Variants in ANKS3 observed in about 807,000 individuals in gnomAD.
ANKS3 encodes the protein ankyrin repeat and SAM domain-containing protein 3.
ANKS3 carries 62 observed loss-of-function variants against 80.7 expected under a neutral mutation model. That is an observed-to-expected ratio of 0.77 (90% CI 0.63 to 0.95). The LOEUF is 0.95. Among genes scored for constraint, ANKS3 ranks in the 40% least tolerant of loss-of-function variants. ANKS3 has a pLI of 0.00. For missense variants in ANKS3, 1,150 were observed against 883.6 expected (o/e 1.30, Z -3.82); for synonymous variants, 489 against 355.3 (o/e 1.38, Z -4.23).
At chr16:4,731,639 A>G in intron 1 of ANKS3, 60 bp from the exon 2 acceptor site, 1 of 854,462 alleles carries the variant, frequency 1.2e-6, no homozygotes, top group Non-Finnish European at 1.4e-6. Flanking sequence ...AAAATTTCAA[A>G]AAAGTAAAAA....
At position 4,730,157 on chromosome 16, in the gene ANKS3, G is replaced by T. The variant is rs1385159149; in HGVS notation, c.-2-6C>A. The T allele has an allele frequency of 3.3e-6, 5 of 1,526,788 alleles. No individual in the cohort carries two copies. In the African/African-American group the frequency reaches 5.5e-5, roughly 17 times the overall value. The allele number at this position is 1,526,788 out of a possible 1,614,324, so 94.6% of individuals were successfully genotyped here. A position where few individuals can be genotyped will look rare whatever the true frequency, so the allele number is the denominator to read the frequency against. Reference sequence around the variant, plus strand: ...ATCGCTGAGCTCGGACATCACTGAGGAGGAAGGCCCAAGGGTTAGATCTTT... The same window carrying T: ...ATCGCTGAGCTCGGACATCACTGAGTAGGAAGGCCCAAGGGTTAGATCTTT... On this transcript the variant is annotated splice_polypyrimidine_tract_variant and splice_region_variant and intron_variant, in intron 2 of 17. Transcript: ENST00000304283.
At chr16:4,720,536 C>T (rs2081036776) in intron 6 of ANKS3, among the ~76,000 whole-genome samples, 1 of 150,990 alleles carries the variant, frequency 6.6e-6, no homozygotes, top group Non-Finnish European at 1.5e-5. Context: ...AGCAAGTTTA[C>T]ACTACCCACT....
In ANKS3 at chr16:4,702,134, T is replaced by C; in HGVS notation, c.977A>G (p.Asp326Gly). Residue 326 changes from aspartate (D) to glycine (G), a missense_variant, in exon 9 of 18, where the codon GAT becomes GGT. Coordinates refer to ENST00000304283, the MANE Select transcript of ANKS3 (RefSeq NM_133450.4). ...RDVTSPINER[D>G]VESSSSSSSR... ...GCTGCTGCTGCTGCTGCTCTCCACA[T>C]CCCGCTCATTGATGGGGGAGGTGAC... is the stretch of plus-strand genomic sequence containing the variant. 6.3e-7 allele frequency: 1 copy of C among 1,596,760 alleles called. No homozygotes were observed. The highest frequency in any genetic ancestry group is 8.5e-7 in the Non-Finnish European group (1 of 1,172,386).
chr16:4,698,601 T>C lies in ANKS3; in HGVS notation c.1552-2A>G. ...CGTGGCCTCTACCTCCTCGCAGCGCTGCAGGGGGGTGGGGGGCGCGGGGAG... is the reference window on the plus strand; with the variant it reads ...CGTGGCCTCTACCTCCTCGCAGCGCCGCAGGGGGGTGGGGGGCGCGGGGAG... On this transcript the variant is annotated splice_acceptor_variant, in intron 13 of 17. Transcript: ENST00000304283. LOFTEE classifies it high-confidence loss of function. 1 of 1,552,532 alleles carries C rather than the reference T, an allele frequency of 6.4e-7. No individual in the cohort carries two copies.
At chr16:4,732,453 G>A (rs541046247) in intron 1 of ANKS3, among the ~76,000 whole-genome samples, 4 of 152,100 alleles carry the variant, frequency 2.6e-5, no homozygotes, top group African/African-American at 4.8e-5. Flanking sequence ...CAGACCAAGC[G>A]TGACGGACCA....
chr16:4,722,650 G>A (rs1035729953), intron 6 of ANKS3, among the ~76,000 whole-genome samples: 5 of 151,880 alleles, frequency 3.3e-5, no homozygotes, highest in Non-Finnish European at 5.9e-5. Context: ...GGGCGCAGTG[G>A]CTTATGCCTG....
intron 11 of ANKS3, chr16:4,700,624 C>A (rs545118472): frequency 1.9e-4 from 75 of 400,434 alleles, no homozygotes; most frequent in South Asian, 4.9e-4. Context: ...CAAGCACACA[C>A]TGTGTGTAGT....
Position 4,696,807 on chromosome 16 carries a change from C to T in ANKS3, c.*101G>A. 1 of 603,618 alleles carries T rather than the reference C, an allele frequency of 1.7e-6. No homozygotes were observed. Among genetic ancestry groups the T allele is most frequent in the Admixed American group, 2.9e-5 (1 of 34,930 alleles). 37.4% of individuals were successfully genotyped at this position (603,618 alleles called of 1,614,324 possible). A position where few individuals can be genotyped will look rare whatever the true frequency, so the allele number is the denominator to read the frequency against. Reference sequence around the variant, plus strand: ...GCCTGATCCTCTGGCCCCCACTGGGCCTGGGCTGCACATGGCAGCTACCTG... The same window carrying T: ...GCCTGATCCTCTGGCCCCCACTGGGTCTGGGCTGCACATGGCAGCTACCTG... On this transcript the variant is annotated 3_prime_UTR_variant, in exon 18 of 18. Coordinates refer to ENST00000304283, the MANE Select transcript of ANKS3 (RefSeq NM_133450.4).
At chr16:4,708,459 A>T (rs1027707746) in intron 7 of ANKS3, among the ~76,000 whole-genome samples, 1 of 152,188 alleles carries the variant, frequency 6.6e-6, no homozygotes, top group African/African-American at 2.4e-5. Flanking sequence ...TTAGCAACAA[A>T]AGGGCAACAA....
At position 4,698,498 on chromosome 16, in the gene ANKS3, C is replaced by T; in HGVS notation, c.1653G>A (p.Glu551=). ...TCTCCCGCAGCCGGGCCTGGAGGTC[C>T]TCGCGGGCGCGGTCCTGCTCCAGCA... ...SCLLEQDRAR[E]DLQARLRETW... The change falls in exon 14 of 18, where the codon GAG becomes GAA. Residue 551 remains glutamate, a synonymous_variant. Coordinates refer to ENST00000304283, the MANE Select transcript of ANKS3 (RefSeq NM_133450.4). 1 of 1,554,500 alleles carries T rather than the reference C, an allele frequency of 6.4e-7. No individual in the cohort carries two copies. The highest frequency in any genetic ancestry group is 1.2e-5 in the South Asian group (1 of 85,840).
chr16:4,715,295 A>G (rs1179141918), intron 6 of ANKS3, among the ~76,000 whole-genome samples: 1 of 152,134 alleles, frequency 6.6e-6, no homozygotes, highest in Non-Finnish European at 1.5e-5. Context: ...AAAATAAACT[A>G]TAATCAATAC....
At chr16:4,697,137 C>T in intron 16 of ANKS3, 33 bp from the exon 17 acceptor site, 2 of 1,606,624 alleles carry the variant, frequency 1.2e-6, no homozygotes, top group South Asian at 1.1e-5. Flanking sequence ...CTCTCCCGGC[C>T]AGGCTCAGGA....
At chr16:4,729,727 T>A (rs982216932) in intron 3 of ANKS3, 38 of 309,944 alleles carry the variant, frequency 1.2e-4, no homozygotes, top group Non-Finnish European at 1.8e-4. Flanking sequence ...GTGAATAAAA[T>A]TAGTCTGGTT....
At position 4,734,122 on chromosome 16, in the gene ANKS3, G is replaced by T; in HGVS notation, c.-255C>A. On this transcript the variant is annotated 5_prime_UTR_variant, in exon 1 of 18. Coordinates refer to ENST00000304283, the MANE Select transcript of ANKS3 (RefSeq NM_133450.4). ...GGGTCTAGGCGGGCTGCAGGTGCCG[G>T]CAAGTGCTGGGGCCGGGCCGCCGCG... The T allele has an allele frequency of 1.3e-6, 1 of 762,264 alleles. No individual in the cohort carries two copies. Among genetic ancestry groups the T allele is most frequent in the Non-Finnish European group, 1.6e-6 (1 of 626,182 alleles). The allele number at this position is 762,264 out of a possible 1,614,324, so 47.2% of individuals were successfully genotyped here.
chr16:4,707,281 CTTTTTTT>C (rs112926809), intron 7 of ANKS3, among the ~76,000 whole-genome samples: 15 of 135,940 alleles, frequency 1.1e-4, no homozygotes, highest in African/African-American at 1.9e-4. Context: ...CGGAAGGACA[CTTTTTTT>C]TTTTTTTTTT....
At chr16:4,731,016 T>C (rs2081588758) in intron 2 of ANKS3, among the ~76,000 whole-genome samples, 1 of 152,224 alleles carries the variant, frequency 6.6e-6, no homozygotes, top group Non-Finnish European at 1.5e-5. Context: ...TAATGGATGC[T>C]ACTCAGCATT....
At chr16:4,721,715 C>T (rs762956254) in intron 6 of ANKS3, among the ~76,000 whole-genome samples, 5 of 151,196 alleles carry the variant, frequency 3.3e-5, no homozygotes, top group East Asian at 1.9e-4. Context: ...CTTGGCTCAT[C>T]GCAACCTCTG....
chr16:4,697,753 C>T (rs2079650525), intron 15 of ANKS3, among the ~76,000 whole-genome samples: 2 of 152,218 alleles, frequency 1.3e-5, no homozygotes, highest in Admixed American at 1.3e-4. Context: ...TCTCGAGTAC[C>T]TCCTACCCCT....
At position 4,705,091 on chromosome 16, in the gene ANKS3, T is replaced by C; in HGVS notation, c.868+4A>G. 1 of 1,611,174 alleles carries C rather than the reference T, an allele frequency of 6.2e-7. No homozygotes were observed. The highest frequency in any genetic ancestry group is 8.5e-7 in the Non-Finnish European group (1 of 1,179,592). On this transcript the variant is annotated splice_donor_region_variant and intron_variant, in intron 8 of 17. Transcript: ENST00000304283. ...AGAGCCCTCGGGAAACGCGGGCCAC[T>C]CACCATAGCGAGGCCGTGGGGCTCT...
Sources: allele counts gnomAD v4.1 joint callset (sites outside exome capture counted in the v4.1 genomes callset), GRCh38; gene constraint gnomAD v4.1.1; transcripts MANE v1.5; gene names NCBI Gene and HGNC (gene_info 2026-07-23, HGNC 2026-07-21).